NKAIN2: variants seen among roughly 807,000 people sequenced by gnomAD.
NKAIN2 encodes sodium/potassium transporting ATPase interacting 2, also known as sodium/potassium-transporting ATPase subunit beta-1-interacting protein 2.
Under a neutral mutation model 32.6 loss-of-function variants are expected in NKAIN2, and 14 were observed. The ratio of observed to expected loss-of-function variants is 0.43; its 90% CI spans 0.28 to 0.67. The LOEUF (loss-of-function observed/expected upper bound fraction) is 0.67. Ranked by LOEUF, NKAIN2 falls within the 30% of genes least tolerant of loss-of-function variation. The pLI, the probability that NKAIN2 is intolerant of heterozygous loss-of-function variation, is 0.17. For synonymous variants in NKAIN2, 80 were observed against 87.2 expected, an observed-to-expected ratio of 0.92 and a Z score of 0.46; for missense variants, 198 against 258.3, an observed-to-expected ratio of 0.77 and a Z score of 1.60.
At chr6:124,654,081 T>G (rs1402249005) in intron 3 of NKAIN2, among the ~76,000 whole-genome samples, 1 of 152,098 alleles carries the variant, frequency 6.6e-6, no homozygotes, top group African/African-American at 2.4e-5. Flanking sequence ...ACTTCACACA[T>G]TTCATACTAG....
intron 1 of NKAIN2, among the ~76,000 whole-genome samples, chr6:123,811,792 TC>T (rs1469067014): frequency 6.6e-6 from 1 of 152,154 alleles, no homozygotes; most frequent in Non-Finnish European, 1.5e-5. Flanking sequence ...TAGTTTTTTT[TC>T]ATAGAATCAT....
intron 1 of NKAIN2, among the ~76,000 whole-genome samples, chr6:123,910,645 A>G (rs1414014336): frequency 6.6e-6 from 1 of 151,516 alleles, no homozygotes; most frequent in African/African-American, 2.4e-5. Flanking sequence ...CTGGGACTAT[A>G]CAGGCACGCA....
intron 1 of NKAIN2, among the ~76,000 whole-genome samples, chr6:124,133,978 T>G (rs769856048): frequency 3.3e-5 from 5 of 152,034 alleles, no homozygotes; most frequent in Admixed American, 1.3e-4. Context: ...CAGAGTTCTA[T>G]AACACCCCCG....
At chr6:123,856,183 A>G (rs965170872) in intron 1 of NKAIN2, among the ~76,000 whole-genome samples, 4 of 152,092 alleles carry the variant, frequency 2.6e-5, no homozygotes, top group African/African-American at 4.8e-5. Context: ...CCTCCTAGAC[A>G]TGTAGAACTA....
intron 5 of NKAIN2, among the ~76,000 whole-genome samples, chr6:124,809,262 A>G (rs1407834130): frequency 6.6e-6 from 1 of 151,176 alleles, no homozygotes; most frequent in Non-Finnish European, 1.5e-5. Flanking sequence ...CCAAAACAGC[A>G]TGGTACTGGT....
intron 3 of NKAIN2, among the ~76,000 whole-genome samples, chr6:124,484,654 G>A (rs970315243): frequency 1.6e-4 from 24 of 152,108 alleles, no homozygotes; most frequent in Non-Finnish European, 3.1e-4. Flanking sequence ...AGATATATGT[G>A]AGATAACTGA....
At chr6:124,092,324 C>T (rs1211759526) in intron 1 of NKAIN2, among the ~76,000 whole-genome samples, 1 of 151,884 alleles carries the variant, frequency 6.6e-6, no homozygotes, top group East Asian at 1.9e-4. Context: ...CATTTCTGTG[C>T]TTGGTTTTAT....
At chr6:124,133,291 T>A (rs1786570548) in intron 1 of NKAIN2, among the ~76,000 whole-genome samples, 1 of 152,140 alleles carries the variant, frequency 6.6e-6, no homozygotes, top group South Asian at 2.1e-4. Context: ...AACAGTCCTA[T>A]AGATGAAAAG....
intron 1 of NKAIN2, among the ~76,000 whole-genome samples, chr6:124,049,923 C>T (rs1308831628): frequency 6.6e-6 from 1 of 151,898 alleles, no homozygotes; most frequent in African/African-American, 2.4e-5. Flanking sequence ...AAAGTGTTTC[C>T]TTTAAGTAAA....
intron 1 of NKAIN2, among the ~76,000 whole-genome samples, chr6:123,967,429 G>T (rs1223333213): frequency 6.6e-6 from 1 of 152,190 alleles, no homozygotes; most frequent in Non-Finnish European, 1.5e-5. Flanking sequence ...ACTGGGCCAA[G>T]CACCATTTCT....
intron 1 of NKAIN2, among the ~76,000 whole-genome samples, chr6:123,837,693 G>A (rs1289642669): frequency 1.3e-5 from 2 of 152,010 alleles, no homozygotes; most frequent in East Asian, 1.9e-4. Flanking sequence ...GAGTAAAACC[G>A]AAGTCCTTAC....
chr6:123,873,945 T>G (rs1392604857), intron 1 of NKAIN2, among the ~76,000 whole-genome samples: 1 of 152,204 alleles, frequency 6.6e-6, no homozygotes, highest in Admixed American at 6.5e-5. Flanking sequence ...ATTTATTTAT[T>G]TATTGTTAAA....
chr6:124,443,977 C>T (rs979897259), intron 3 of NKAIN2, among the ~76,000 whole-genome samples: 8 of 151,902 alleles, frequency 5.3e-5, no homozygotes, highest in African/African-American at 1.9e-4. Context: ...TGTAACTCTC[C>T]TTTTTAGTAT....
At chr6:124,168,307 C>G (rs995636482) in intron 1 of NKAIN2, among the ~76,000 whole-genome samples, 2 of 152,066 alleles carry the variant, frequency 1.3e-5, no homozygotes, top group Non-Finnish European at 2.9e-5. Flanking sequence ...AATGATCATA[C>G]TTTAAGTTTC....
intron 3 of NKAIN2, among the ~76,000 whole-genome samples, chr6:124,381,751 G>A (rs913552698): frequency 1.3e-4 from 20 of 152,108 alleles, no homozygotes; most frequent in Non-Finnish European, 2.2e-4. Context: ...GAAGTTTCTT[G>A]TATTCTTTAA....
Position 124,543,485 on chromosome 6 carries a change from A to G in NKAIN2, c.274-114701A>G, listed in dbSNP as rs77734773. ...ACACACTGTATCAATCTATGACCCA[A>G]TTTGATGTTTAATTCTTACGGGGAA... is the stretch of plus-strand genomic sequence containing the variant. On this transcript the variant is annotated intron_variant, in intron 3 of 6. Transcript: ENST00000368417. Among the ~76,000 whole-genome samples, 832 of 152,266 alleles carry G rather than the reference A, an allele frequency of 5.5e-3. 11 individuals carry two copies. Among genetic ancestry groups the G allele is most frequent in the African/African-American group, 0.019 (800 of 41,544 alleles).
intron 3 of NKAIN2, among the ~76,000 whole-genome samples, chr6:124,463,437 A>G (rs143103956): frequency 2.2e-3 from 333 of 152,174 alleles, no homozygotes; most frequent in African/African-American, 7.7e-3. Flanking sequence ...AAAGTCTTCT[A>G]CCATCTGCCT....
intron 1 of NKAIN2, among the ~76,000 whole-genome samples, chr6:124,171,925 G>A (rs530458939): frequency 4.7e-5 from 7 of 147,476 alleles, no homozygotes; most frequent in African/African-American, 1.8e-4. Flanking sequence ...CCACTCACTT[G>A]CCTCAGCCTC....
At chr6:124,815,225 C>CATATATATATATATATATATAT (rs56841213) in intron 5 of NKAIN2, among the ~76,000 whole-genome samples, 66 of 136,984 alleles carry the variant, frequency 4.8e-4, no homozygotes, top group African/African-American at 1.6e-3. Context: ...TATATATATA[C>CATATATATATATATATATATAT]ATATATATAT....
Sources: allele counts gnomAD v4.1 joint callset (sites outside exome capture counted in the v4.1 genomes callset), GRCh38; gene constraint gnomAD v4.1.1; transcripts MANE v1.5; gene names NCBI Gene and HGNC (gene_info 2026-07-23, HGNC 2026-07-21).